The following LPIN2 variants were observed in gnomAD, a reference collection of about 807,000 sequenced individuals.
LPIN2 encodes lipin 2.
A neutral mutation model predicts 111.4 loss-of-function variants in LPIN2; 55 were observed. That is an observed-to-expected ratio of 0.49 (90% CI 0.40 to 0.62). The LOEUF (loss-of-function observed/expected upper bound fraction) is 0.62, where lower values mean the gene tolerates loss of function less well. LPIN2 is among the 20% of genes least tolerant of loss of function. LPIN2 has a pLI of 0.00. For missense variants in LPIN2, 992 were observed against 1,112.1 expected (o/e 0.89, Z 1.54); for synonymous variants, 425 against 414.0 (o/e 1.03, Z -0.32).
intron 1 of LPIN2, chr18:2,990,541 C>T (rs1011183311): frequency 1.9e-5 from 3 of 154,536 alleles, no homozygotes; most frequent in African/African-American, 7.2e-5. Context: ...AGATGCTCAA[C>T]ATCATTAACC....
At chr18:2,969,855 T>C (rs2077876021) in intron 1 of LPIN2, among the ~76,000 whole-genome samples, 1 of 152,192 alleles carries the variant, frequency 6.6e-6, no homozygotes, top group African/African-American at 2.4e-5. Flanking sequence ...CTCTTAAGCC[T>C]GATTAAGTTT....
intron 4 of LPIN2, 25 bp from the exon 5 acceptor site, chr18:2,940,737 G>T (rs752074192): frequency 1.5e-6 from 2 of 1,367,986 alleles, no homozygotes; most frequent in Non-Finnish European, 2.1e-6. Flanking sequence ...CCAAAGAAAG[G>T]CAGGAACGAT....
chr18:2,951,600 G>C (rs2077538690), intron 3 of LPIN2, among the ~76,000 whole-genome samples: 2 of 152,158 alleles, frequency 1.3e-5, no homozygotes, highest in Admixed American at 1.3e-4. Context: ...TGAAGGAACT[G>C]ACATGCCAAG....
intron 1 of LPIN2, among the ~76,000 whole-genome samples, chr18:2,974,252 T>A (rs1439611383): frequency 6.6e-6 from 1 of 152,098 alleles, no homozygotes. Context: ...AATTTTTTTG[T>A]ATTTTTTAGT....
At position 2,919,946 on chromosome 18, in the gene LPIN2, G is replaced by A. The variant is rs2077027977; in HGVS notation, c.*347C>T. On this transcript the variant is annotated 3_prime_UTR_variant, in exon 20 of 20. Coordinates refer to ENST00000677752, the MANE Select transcript of LPIN2 (RefSeq NM_001375808.2). ...TGGAAACTGGAACACTTCACTGTGT[G>A]CAGTGTTTTGGTCCACTCTTTTTTA... is the stretch of plus-strand genomic sequence containing the variant. 1 of 378,398 alleles carries A rather than the reference G, an allele frequency of 2.6e-6. No homozygotes were observed. Among genetic ancestry groups the A allele is most frequent in the Non-Finnish European group, 5.1e-6 (1 of 196,404 alleles). The allele number at this position is 378,398 out of a possible 1,614,324, so 23.4% of individuals were successfully genotyped here. A position where few individuals can be genotyped will look rare whatever the true frequency, so the allele number is the denominator to read the frequency against.
At chr18:2,997,069 C>T (rs1264020967) in intron 1 of LPIN2, among the ~76,000 whole-genome samples, 1 of 151,778 alleles carries the variant, frequency 6.6e-6, no homozygotes, top group Non-Finnish European at 1.5e-5. Flanking sequence ...GCAACCTCCA[C>T]CTCCCGGATT....
rs1296333542 is a variant in LPIN2 at position 2,951,353 on chromosome 18, T to C, written c.292A>G (p.Lys98Glu). The C allele has an allele frequency of 6.2e-7, 1 of 1,613,852 alleles. No homozygotes were observed. Among genetic ancestry groups the C allele is most frequent in the Non-Finnish European group, 8.5e-7 (1 of 1,179,922 alleles). ...GAGGTGGCAAGGTAAGCAGGAAGCT[T>C]TTCCTTGAGGAGAATGGAGAAAGAA... is the stretch of plus-strand genomic sequence containing the variant. ...FVEETEEEYE[K>E]LPAYLATSPI... Residue 98 changes from lysine to glutamate, a missense_variant, in exon 4 of 20, where the codon AAG (lysine) becomes GAG (glutamate). Coordinates refer to ENST00000677752, the MANE Select transcript of LPIN2 (RefSeq NM_001375808.2).
At chr18:2,967,552 A>G (rs2143263821) in intron 1 of LPIN2, 1 of 152,332 alleles carries the variant, frequency 6.6e-6, no homozygotes, top group South Asian at 2.1e-4. Flanking sequence ...CTGAGTCAAC[A>G]TTTTACAAAA....
In LPIN2 at chr18:2,918,072, A is replaced by C. The variant is rs2076995642; in HGVS notation, c.*2221T>G. ...GCAATAGTAATCATCTACTTTCAGCAAGAGGGACTCCTTTAAACAAGGAAA... is the reference window on the plus strand; with the variant it reads ...GCAATAGTAATCATCTACTTTCAGCCAGAGGGACTCCTTTAAACAAGGAAA... On this transcript the variant is annotated 3_prime_UTR_variant, in exon 20 of 20. Coordinates refer to ENST00000677752, the MANE Select transcript of LPIN2 (RefSeq NM_001375808.2). 1 of 151,346 alleles carries C rather than the reference A, an allele frequency of 6.6e-6. No individual in the cohort carries two copies. Among genetic ancestry groups the C allele is most frequent in the Admixed American group, 6.6e-5 (1 of 15,232 alleles). The allele number at this position is 151,346 out of a possible 1,614,324, so 9.4% of individuals were successfully genotyped here. A position where few individuals can be genotyped will look rare whatever the true frequency, so the allele number is the denominator to read the frequency against.
Position 2,940,642 on chromosome 18 carries a change from AATG to A in LPIN2, c.658_660del (p.His220del), listed in dbSNP as rs761910090. The A allele has an allele frequency of 1.7e-5, 28 of 1,613,104 alleles. No individual in the cohort carries two copies. The African/African-American group carries it at 3.3e-4, about 19-fold the overall frequency. On this transcript the variant is annotated inframe_deletion, in exon 5 of 20. Transcript: ENST00000677752. ...GACCAATCTCCATCAGATAAGGGGT[AATG>A]ATCCCCAGAATGGAAGAGCAAAGGC... is the stretch of plus-strand genomic sequence containing the variant.
intron 4 of LPIN2, among the ~76,000 whole-genome samples, chr18:2,943,211 T>TTTTGC (rs57648143): frequency 6.6e-6 from 1 of 151,588 alleles, no homozygotes. Flanking sequence ...TTCTGTTTTG[T>TTTTGC]TTTTTAGAGA....
chr18:2,989,705 G>T (rs1335371690), intron 1 of LPIN2, among the ~76,000 whole-genome samples: 4 of 152,266 alleles, frequency 2.6e-5, no homozygotes, highest in East Asian at 1.9e-4. Flanking sequence ...CAGAACACTT[G>T]AGGTCAGGAG....
At chr18:2,967,407 T>C (rs1044063044) in intron 1 of LPIN2, among the ~76,000 whole-genome samples, 4 of 152,054 alleles carry the variant, frequency 2.6e-5, no homozygotes, top group African/African-American at 9.7e-5. Flanking sequence ...TTCTGGATGG[T>C]AAAAACTTCC....
chr18:2,923,420 C>CAAAA (rs869052239), intron 16 of LPIN2, among the ~76,000 whole-genome samples: 7 of 26,594 alleles, frequency 2.6e-4, no homozygotes, highest in South Asian at 2.0e-3. Context: ...AACTCCATCT[C>CAAAA]AAAAAAAAAA....
intron 4 of LPIN2, among the ~76,000 whole-genome samples, chr18:2,948,817 T>TG (rs1330347150): frequency 2.0e-5 from 3 of 151,606 alleles, no homozygotes; most frequent in African/African-American, 7.3e-5. Context: ...GTTTATAATT[T>TG]TTTTTTTTTT....
At chr18:3,010,172 A>C (rs1286436187) in intron 1 of LPIN2, among the ~76,000 whole-genome samples, 1 of 152,224 alleles carries the variant, frequency 6.6e-6, no homozygotes, top group Non-Finnish European at 1.5e-5. Flanking sequence ...CACATGTAAT[A>C]AGCGTTTAGT....
At chr18:2,997,078 T>C (rs898370631) in intron 1 of LPIN2, among the ~76,000 whole-genome samples, 3 of 151,906 alleles carry the variant, frequency 2.0e-5, no homozygotes, top group Non-Finnish European at 4.4e-5. Flanking sequence ...ACCTCCCGGA[T>C]TCAAGCAATT....
intron 1 of LPIN2, among the ~76,000 whole-genome samples, chr18:2,964,903 T>C (rs938785720): frequency 6.6e-6 from 1 of 152,228 alleles, no homozygotes. Flanking sequence ...GCATTCTTGT[T>C]CCTTAAAATA....
intron 5 of LPIN2, 82 bp downstream of exon 5, chr18:2,940,523 T>G (rs1040298398): frequency 3.8e-6 from 3 of 796,888 alleles, no homozygotes; most frequent in African/African-American, 3.4e-5. Context: ...ATGGGAAATA[T>G]CATTACTACA....
Sources: allele counts gnomAD v4.1 joint callset (sites outside exome capture counted in the v4.1 genomes callset), GRCh38; gene constraint gnomAD v4.1.1; transcripts MANE v1.5; gene names NCBI Gene and HGNC (gene_info 2026-07-23, HGNC 2026-07-21).